The following MED17 variants were observed in gnomAD, a reference collection of about 807,000 sequenced individuals.
MED17 encodes the protein mediator of RNA polymerase II transcription subunit 17.
A neutral mutation model predicts 80.8 loss-of-function variants in MED17; 49 were observed. The observed-to-expected ratio is 0.61, with a 90% CI of 0.48 to 0.77. The LOEUF (loss-of-function observed/expected upper bound fraction) is 0.77, where lower values mean the gene tolerates loss of function less well. Among genes scored for constraint, MED17 ranks in the 30% least tolerant of loss-of-function variants. MED17 has a pLI of 0.00. For missense variants in MED17, 718 were observed against 787.0 expected, an observed-to-expected ratio of 0.91 and a Z score of 1.05; for synonymous variants, 281 against 280.4, an observed-to-expected ratio of 1.00 and a Z score of -0.02.
At position 93,797,654 on chromosome 11, in the gene MED17, A is replaced by G; in HGVS notation, c.1263A>G (p.Leu421=). The G allele has an allele frequency of 6.2e-7, 1 of 1,613,648 alleles. No homozygotes were observed. The change falls in exon 8 of 12, where the codon TTA becomes TTG. Residue 421 remains leucine (L), a synonymous_variant. Transcript: ENST00000251871. ...QAFDKNEINS[L]QSSEGLLEKI... ...TTGATAAAAATGAAATTAATTCATTACAGTCCAGTGAAGGGCTTCTGGAAA... is the reference window on the plus strand; with the variant it reads ...TTGATAAAAATGAAATTAATTCATTGCAGTCCAGTGAAGGGCTTCTGGAAA...
At position 93,814,223 on chromosome 11, in the gene MED17, T is replaced by C. The variant is rs925590537; in HGVS notation, c.*2159T>C. 1 of 152,246 alleles carries C rather than the reference T, an allele frequency of 6.6e-6. No individual in the cohort carries two copies. The highest frequency in any genetic ancestry group is 1.5e-5 in the Non-Finnish European group (1 of 68,052). 9.4% of individuals were successfully genotyped at this position (152,246 alleles called of 1,614,324 possible). ...TTCATGTCTTACTTTCCCTGTTTGG[T>C]ACGTCGCTGTAGTGAGTAGCCAGTA... On this transcript the variant is annotated 3_prime_UTR_variant, in exon 12 of 12. Coordinates refer to ENST00000251871, the MANE Select transcript of MED17 (RefSeq NM_004268.5).
At chr11:93,799,942 C>T (rs569762231) in intron 8 of MED17, among the ~76,000 whole-genome samples, 1 of 149,334 alleles carries the variant, frequency 6.7e-6, no homozygotes, top group Non-Finnish European at 1.5e-5. Flanking sequence ...TCAGGGGTGA[C>T]ACCAAAACAA....
rs1480437520 is a variant in MED17, at chr11:93,790,418, A to C, written c.418-156A>C. 16 of 698,064 alleles carry C rather than the reference A, an allele frequency of 2.3e-5. No homozygotes were observed. The East Asian group carries it at 4.3e-4, about 19-fold the overall frequency. The allele number at this position is 698,064 out of a possible 1,614,324, so 43.2% of individuals were successfully genotyped here. On this transcript the variant is annotated intron_variant, in intron 2 of 11. Transcript: ENST00000251871. The stretch of plus-strand genomic sequence containing the variant: ...AAGCTTTGAGTGAGTTGGACAAAGA[A>C]ATAGGTTAAGGTTATTATTTTATTA...
At position 93,790,443 on chromosome 11, in the gene MED17, A is replaced by G. The variant is rs79618618; in HGVS notation, c.418-131A>G. The G allele has an allele frequency of 9.6e-4, 761 of 790,714 alleles. 5 individuals carry two copies. The African/African-American group carries it at 0.012, about 12-fold the overall frequency. The allele number at this position is 790,714 out of a possible 1,614,324, so 49.0% of individuals were successfully genotyped here. Reference sequence around the variant, plus strand: ...AATAGGTTAAGGTTATTATTTTATTAAAAACACTGTTATGTGTACTTGCCC... The same window carrying G: ...AATAGGTTAAGGTTATTATTTTATTGAAAACACTGTTATGTGTACTTGCCC... On this transcript the variant is annotated intron_variant, in intron 2 of 11. Coordinates refer to ENST00000251871, the MANE Select transcript of MED17 (RefSeq NM_004268.5).
intron 6 of MED17, chr11:93,795,964 T>TTTA: frequency 6.0e-6 from 1 of 167,238 alleles, no homozygotes; most frequent in Non-Finnish European, 1.3e-5. Context: ...TTTTTTTTTT[T>TTTA]GAGATGAAGT....
intron 9 of MED17, chr11:93,807,296 C>G (rs1944036204): frequency 8.8e-6 from 4 of 454,498 alleles, no homozygotes; most frequent in Non-Finnish European, 1.6e-5. Context: ...GCCTGTAATC[C>G]CAGCTACTTG....
At chr11:93,805,315 G>T (rs1944012067) in intron 9 of MED17, among the ~76,000 whole-genome samples, 1 of 152,196 alleles carries the variant, frequency 6.6e-6, no homozygotes, top group South Asian at 2.1e-4. Context: ...AGGACATTTG[G>T]CTGGGCACAG....
Position 93,811,583 on chromosome 11 carries a change from T to C in MED17, c.1745-270T>C, listed in dbSNP as rs1045278644. ...ACAAAAAGATGATTTCCTGAAATTA[T>C]AGAGGACATTTGACATTCCTAGGTC... On this transcript the variant is annotated intron_variant, in intron 11 of 11. Coordinates refer to ENST00000251871, the MANE Select transcript of MED17 (RefSeq NM_004268.5). 5.2e-5 allele frequency: 23 copies of C among 444,146 alleles called. No homozygotes were observed. In the East Asian group the frequency reaches 9.0e-4, roughly 17 times the overall value. The allele number at this position is 444,146 out of a possible 1,614,324, so 27.5% of individuals were successfully genotyped here. A position where few individuals can be genotyped will look rare whatever the true frequency, so the allele number is the denominator to read the frequency against.
rs1943787455 is a variant in MED17, at chr11:93,787,990, TCTC to T, written c.251-10_251-8del. On this transcript the variant is annotated splice_region_variant and splice_polypyrimidine_tract_variant and intron_variant, in intron 1 of 11. Coordinates refer to ENST00000251871, the MANE Select transcript of MED17 (RefSeq NM_004268.5). The stretch of plus-strand genomic sequence containing the variant: ...CTTCTGTATTTCTTTTTTTTCTCTC[TCTC>T]TTTTTAGGAGTGGTAAAATTTCAGC... The T allele has an allele frequency of 6.2e-7, 1 of 1,612,824 alleles. No homozygotes were observed. Among genetic ancestry groups the T allele is most frequent in the African/African-American group, 1.3e-5 (1 of 74,916 alleles).
At chr11:93,798,061 T>C (rs1331679422) in intron 8 of MED17, among the ~76,000 whole-genome samples, 2 of 152,250 alleles carry the variant, frequency 1.3e-5, no homozygotes, top group Admixed American at 6.5e-5. Context: ...TTCTGTATTT[T>C]TTGTTTCTTG....
intron 2 of MED17, chr11:93,790,370 G>T: frequency 1.7e-6 from 1 of 603,212 alleles, no homozygotes; most frequent in Non-Finnish European, 3.0e-6. Context: ...GGCCATTGTA[G>T]TGTTTTTGGT....
rs956855036 is a variant in MED17 at position 93,813,136 on chromosome 11, A to G, written c.*1072A>G. 2 of 152,218 alleles carry G rather than the reference A, an allele frequency of 1.3e-5. No individual in the cohort carries two copies. The highest frequency in any genetic ancestry group is 4.8e-5 in the African/African-American group (2 of 41,462). The allele number at this position is 152,218 out of a possible 1,614,324, so 9.4% of individuals were successfully genotyped here. A position where few individuals can be genotyped will look rare whatever the true frequency, so the allele number is the denominator to read the frequency against. On this transcript the variant is annotated 3_prime_UTR_variant, in exon 12 of 12. Transcript: ENST00000251871. Reference sequence around the variant, plus strand: ...CTAAAGTGTGCCCATTAATATGAGGATAGATTTAGGCTCATAAGCCTTTTG... The same window carrying G: ...CTAAAGTGTGCCCATTAATATGAGGGTAGATTTAGGCTCATAAGCCTTTTG...
rs770136880 is a variant in MED17, at chr11:93,794,015, C to T, written c.839C>T (p.Pro280Leu). The T allele has an allele frequency of 1.2e-6, 2 of 1,613,808 alleles. No homozygotes were observed. Among genetic ancestry groups the T allele is most frequent in the South Asian group, 1.1e-5 (1 of 91,066 alleles). Residue 280 changes from proline (P) to leucine (L), a missense_variant, in exon 5 of 12, where the codon CCT (proline) becomes CTT (leucine). Physicochemically the swap from Pro to Leu is moderately conservative, Grantham distance 98. Coordinates refer to ENST00000251871, the MANE Select transcript of MED17 (RefSeq NM_004268.5). ...DLGTVNLFKR[P>L]LPKSKPGSPH... ...GGCACAGTTAACCTCTTCAAACGAC[C>T]TTTGCCCAAATCCAAACCAGGTATG...
chr11:93,811,453 T>G, intron 11 of MED17: 1 of 214,576 alleles, frequency 4.7e-6, no homozygotes, highest in Non-Finnish European at 9.4e-6. Context: ...GGAGGATTGC[T>G]TGAGCCCAGG....
At position 93,813,240 on chromosome 11, in the gene MED17, T is replaced by A. The variant is rs1481909729; in HGVS notation, c.*1176T>A. 6.6e-6 allele frequency: 1 copy of A among 152,170 alleles called. No individual in the cohort carries two copies. The allele number at this position is 152,170 out of a possible 1,614,324, so 9.4% of individuals were successfully genotyped here. The stretch of plus-strand genomic sequence containing the variant: ...CAATTTTTAAAACAGACATCCTGCT[T>A]TAACAATTTGTAAGATGACTGTGCA... On this transcript the variant is annotated 3_prime_UTR_variant, in exon 12 of 12. Coordinates refer to ENST00000251871, the MANE Select transcript of MED17 (RefSeq NM_004268.5).
chr11:93,786,027 C>T (rs913823673), intron 1 of MED17, among the ~76,000 whole-genome samples: 3 of 152,032 alleles, frequency 2.0e-5, no homozygotes, highest in African/African-American at 7.3e-5. Flanking sequence ...CACACACCTA[C>T]CTACCTTACA....
At chr11:93,788,238 CCTG>C in intron 2 of MED17, 71 bp downstream of exon 2, 1 of 1,359,338 alleles carries the variant, frequency 7.4e-7, no homozygotes, top group Non-Finnish European at 1.0e-6. Context: ...TGGCTTTGTG[CCTG>C]TTGTTCCATT....
chr11:93,791,874 AG>A (rs1275634716), intron 3 of MED17, among the ~76,000 whole-genome samples: 1 of 152,158 alleles, frequency 6.6e-6, no homozygotes, highest in Non-Finnish European at 1.5e-5. Context: ...GTGAAGAGAA[AG>A]GGTGGCAAAA....
chr11:93,789,927 T>A (rs954469274), intron 2 of MED17: 3 of 156,042 alleles, frequency 1.9e-5, no homozygotes, highest in Non-Finnish European at 4.2e-5. Context: ...TACTGCATTC[T>A]AGACTGGGTG....
Sources: allele counts gnomAD v4.1 joint callset (sites outside exome capture counted in the v4.1 genomes callset), GRCh38; gene constraint gnomAD v4.1.1; transcripts MANE v1.5; gene names NCBI Gene and HGNC (gene_info 2026-07-23, HGNC 2026-07-21).